Variants in SCIN observed in about 807,000 individuals in gnomAD.
The protein encoded by SCIN is scinderin.
A neutral mutation model predicts 91.8 loss-of-function variants in SCIN; 91 were observed. That is an observed-to-expected ratio of 0.99 (90% CI 0.84 to 1.18). The LOEUF (loss-of-function observed/expected upper bound fraction) is 1.18. SCIN is among the 50% of genes most tolerant of loss of function. The probability of loss-of-function intolerance (pLI) is 0.00; values close to 1 mark genes in which losing one functional copy is unlikely to be tolerated. For missense variants in SCIN, 1,087 were observed against 863.9 expected, an observed-to-expected ratio of 1.26 and a Z score of -3.24; for synonymous variants, 367 against 312.6, an observed-to-expected ratio of 1.17 and a Z score of -1.84.
chr7:12,573,728 T>C (rs1353367332), intron 1 of SCIN, among the ~76,000 whole-genome samples: 1 of 152,176 alleles, frequency 6.6e-6, no homozygotes, highest in Non-Finnish European at 1.5e-5. Flanking sequence ...ATCCCTAACC[T>C]AAGGTACAAA....
Position 12,626,790 on chromosome 7 carries a change from C to A in SCIN, c.1188C>A (p.Gly396=). 1 of 1,606,230 alleles carries A rather than the reference C, an allele frequency of 6.2e-7. No individual in the cohort carries two copies. The highest frequency in any genetic ancestry group is 8.5e-7 in the Non-Finnish European group (1 of 1,176,272). Residue 396 remains glycine (G), a synonymous_variant, in exon 8 of 16, where the codon GGC becomes GGA. Coordinates refer to ENST00000297029, the MANE Select transcript of SCIN (RefSeq NM_001112706.3). ...ACAATATGGTGGATGATGGTTCTGGCAAAGTGGAGGTATTTACCTGTTTTT... is the reference window on the plus strand; with the variant it reads ...ACAATATGGTGGATGATGGTTCTGGAAAAGTGGAGGTATTTACCTGTTTTT... ...AQHNMVDDGS[G]KVEIWRVENN...
intron 6 of SCIN, among the ~76,000 whole-genome samples, chr7:12,625,352 A>G (rs552309477): frequency 8.9e-4 from 135 of 152,026 alleles, no homozygotes; most frequent in African/African-American, 3.1e-3. Context: ...TTTGGGCAAT[A>G]TAAAAAGAAT....
At position 12,636,110 on chromosome 7, in the gene SCIN, G is replaced by T. The variant is rs76010472; in HGVS notation, c.1385G>T (p.Arg462Leu). The part of the protein sequence containing the change: ...TSAFLTVQLD[R>L]SLGGQAVQIR... ...GCGTTCCTGACTGTTCAGTTGGATC[G>T]GTCCCTTGGAGGACAGGCTGTGCAG... Residue 462 changes from arginine to leucine, a missense_variant, in exon 10 of 16, where the codon CGG becomes CTG. Coordinates refer to ENST00000297029, the MANE Select transcript of SCIN (RefSeq NM_001112706.3). 6.2e-7 allele frequency: 1 copy of T among 1,612,682 alleles called. No individual in the cohort carries two copies. Among genetic ancestry groups the T allele is most frequent in the African/African-American group, 1.3e-5 (1 of 74,898 alleles).
rs1431851458 is a variant in SCIN, at chr7:12,656,534, C to T, written c.*3819C>T. The T allele has an allele frequency of 2.0e-5, 3 of 152,178 alleles. No homozygotes were observed. Among genetic ancestry groups the T allele is most frequent in the African/African-American group, 4.8e-5 (2 of 41,438 alleles). 9.4% of individuals were successfully genotyped at this position (152,178 alleles called of 1,614,324 possible). On this transcript the variant is annotated 3_prime_UTR_variant, in exon 16 of 16. Coordinates refer to ENST00000297029, the MANE Select transcript of SCIN (RefSeq NM_001112706.3). Reference sequence around the variant, plus strand: ...GCCCCGCATATGTAGAATTATCATTCATTCCGTGTTCTTGCTCTTGGATAA... The same window carrying T: ...GCCCCGCATATGTAGAATTATCATTTATTCCGTGTTCTTGCTCTTGGATAA...
At chr7:12,616,323 G>C (rs1783298752) in intron 4 of SCIN, among the ~76,000 whole-genome samples, 2 of 152,042 alleles carry the variant, frequency 1.3e-5, no homozygotes, top group South Asian at 4.1e-4. Context: ...TATTATTGCA[G>C]AAATGGGTTA....
At chr7:12,607,505 G>A (rs1404520) in intron 4 of SCIN, among the ~76,000 whole-genome samples, 2,390 of 152,236 alleles carry the variant, frequency 0.016, 77 homozygotes, top group African/African-American at 0.056. Context: ...AATATAATTT[G>A]GCTTTAAAAT....
At chr7:12,573,333 A>G (rs1407514314) in intron 1 of SCIN, among the ~76,000 whole-genome samples, 2 of 152,134 alleles carry the variant, frequency 1.3e-5, no homozygotes, top group African/African-American at 4.8e-5. Context: ...AGATGAAAAA[A>G]GGTGCATAGC....
intron 9 of SCIN, among the ~76,000 whole-genome samples, chr7:12,630,891 T>C (rs915904118): frequency 6.6e-6 from 1 of 152,218 alleles, no homozygotes; most frequent in Non-Finnish European, 1.5e-5. Flanking sequence ...AAAATTTTAA[T>C]TCAGAAAAGT....
intron 4 of SCIN, 133 bp from the exon 5 acceptor site, chr7:12,622,668 T>G: frequency 2.8e-4 from 180 of 639,666 alleles, no homozygotes; most frequent in East Asian, 5.8e-4. Context: ...TATGCATTGA[T>G]GAGAAGTGTT....
intron 3 of SCIN, chr7:12,588,802 A>G (rs1475686503): frequency 1.2e-4 from 1 of 8,644 alleles, no homozygotes; most frequent in Non-Finnish European, 2.2e-4. Context: ...GGACAGCTGC[A>G]TTGGGTGGGG....
intron 4 of SCIN, among the ~76,000 whole-genome samples, chr7:12,608,726 C>T (rs1783132354): frequency 6.6e-6 from 1 of 152,162 alleles, no homozygotes; most frequent in Non-Finnish European, 1.5e-5. Flanking sequence ...ATCCGCCGGC[C>T]TTGGCCTTCC....
Position 12,629,150 on chromosome 7 carries a change from A to T in SCIN, c.1247A>T (p.Tyr416Phe). The change falls in exon 9 of 16, where the codon TAT becomes TTT. Residue 416 changes from tyrosine to phenylalanine, a missense_variant. Coordinates refer to ENST00000297029, the MANE Select transcript of SCIN (RefSeq NM_001112706.3). The part of the protein sequence containing the change: ...NGRIQVDQNS[Y>F]GEFYGGDCYI... ...AGGATCCAAGTTGACCAAAACTCAT[A>T]TGGTGAATTCTATGGTGGTGACTGC... 6.2e-7 allele frequency: 1 copy of T among 1,613,156 alleles called. No individual in the cohort carries two copies. Among genetic ancestry groups the T allele is most frequent in the Non-Finnish European group, 8.5e-7 (1 of 1,179,320 alleles).
intron 3 of SCIN, chr7:12,596,180 AG>A: frequency 3.0e-6 from 1 of 327,988 alleles, no homozygotes; most frequent in Non-Finnish European, 6.0e-6. Flanking sequence ...CTTCATGTGC[AG>A]TGCCCTCCTT....
rs191319126 is a variant in SCIN, at chr7:12,580,619, T to C, written c.355-441T>C. On this transcript the variant is annotated intron_variant, in intron 2 of 15. Coordinates refer to ENST00000297029, the MANE Select transcript of SCIN (RefSeq NM_001112706.3). ...TCCCAACCCTGTACCAGTGTGAACT[T>C]TTGGGTGCCTTCTTCTCTGGCTGCT... Among the ~76,000 whole-genome samples, 437 of 152,264 alleles carry C rather than the reference T, an allele frequency of 2.9e-3. 3 individuals carry two copies. Among genetic ancestry groups the C allele is most frequent in the African/African-American group, 9.6e-3 (398 of 41,556 alleles).
At chr7:12,589,276 G>T (rs910826196) in intron 3 of SCIN, among the ~76,000 whole-genome samples, 11 of 150,284 alleles carry the variant, frequency 7.3e-5, no homozygotes, top group Non-Finnish European at 1.5e-4. Flanking sequence ...GAGTGCAGTG[G>T]CATCATCTCT....
In SCIN at chr7:12,655,297, A is replaced by C. The variant is rs1784148253; in HGVS notation, c.*2582A>C. The C allele has an allele frequency of 6.6e-6, 1 of 152,232 alleles. No homozygotes were observed. Among genetic ancestry groups the C allele is most frequent in the Admixed American group, 6.5e-5 (1 of 15,288 alleles). The allele number at this position is 152,232 out of a possible 1,614,324, so 9.4% of individuals were successfully genotyped here. On this transcript the variant is annotated 3_prime_UTR_variant, in exon 16 of 16. Transcript: ENST00000297029. Reference sequence around the variant, plus strand: ...GATGTAGAACCCACAGATATGATAAATCAACTGTATCTAGTACCCAAAACA... The same window carrying C: ...GATGTAGAACCCACAGATATGATAACTCAACTGTATCTAGTACCCAAAACA...
chr7:12,582,021 T>C (rs7794586), intron 3 of SCIN, among the ~76,000 whole-genome samples: 5,340 of 152,282 alleles, frequency 0.035, 259 homozygotes, highest in African/African-American at 0.11. Context: ...ATTATCATCA[T>C]TTTCATCACA....
chr7:12,628,022 A>T (rs369200228), intron 8 of SCIN, among the ~76,000 whole-genome samples: 50 of 122,082 alleles, frequency 4.1e-4, no homozygotes, highest in African/African-American at 1.7e-3. Flanking sequence ...AACTTAGGCA[A>T]GTGTGCGCGC....
intron 3 of SCIN, among the ~76,000 whole-genome samples, chr7:12,602,671 C>G (rs550685845): frequency 1.8e-4 from 28 of 152,292 alleles, no homozygotes; most frequent in African/African-American, 6.5e-4. Flanking sequence ...ATCTCTCCTA[C>G]TTGCACGTCC....
Sources: gnomAD v4.1 joint callset for allele counts (sites outside exome capture counted in the v4.1 genomes callset) on GRCh38, gnomAD v4.1.1 for gene constraint, MANE v1.5 for transcripts, NCBI Gene and HGNC (gene_info 2026-07-23, HGNC 2026-07-21) for gene names.